PRKAR1A: variants seen among roughly 807,000 people sequenced by gnomAD.
PRKAR1A encodes the protein protein kinase cAMP-dependent type I regulatory subunit alpha.
In PRKAR1A, 3 loss-of-function variants were observed where a neutral mutation model predicts 52.0. That is an observed-to-expected ratio of 0.06 (90% confidence interval 0.03 to 0.15). PRKAR1A has a LOEUF of 0.15. Ranked by LOEUF, PRKAR1A falls within the 10% of genes least tolerant of loss-of-function variation. PRKAR1A has a pLI of 1.00. For missense variants in PRKAR1A, 240 were observed against 477.4 expected, an observed-to-expected ratio of 0.50 and a Z score of 4.63; for synonymous variants, 188 against 168.4, an observed-to-expected ratio of 1.12 and a Z score of -0.90.
chr17:68,477,107 C>T, the PRKAR1A span, among the ~76,000 whole-genome samples: 1 of 152,172 alleles, frequency 6.6e-6, no homozygotes, highest in Admixed American at 6.5e-5. Context: ...GTCCCAAACA[C>T]TCTCTTCTTC....
downstream of PRKAR1A, among the ~76,000 whole-genome samples, chr17:68,534,560 C>CTTTTTTTTTTTTTTTTTTTTTATTTT (rs34994040): frequency 9.0e-6 from 1 of 111,054 alleles, no homozygotes; most frequent in Non-Finnish European, 1.8e-5. Context: ...TTTTTAGTGC[C>CTTTTTTTTTTTTTTTTTTTTTATTTT]TTTTTTTTTT....
At chr17:68,420,078 T>G in the PRKAR1A span, 4 of 1,250,072 alleles carry the variant, frequency 3.2e-6, no homozygotes, top group Non-Finnish European at 4.5e-6. Context: ...CATTGGAACA[T>G]TTGGTTATCT....
the PRKAR1A span, chr17:68,441,209 C>T: frequency 6.6e-6 from 1 of 152,206 alleles, no homozygotes. Context: ...ACTTCGAGCC[C>T]CTGTCTGGCC....
intron 11 of PRKAR1A, chr17:68,541,440 T>C (rs1275872096): frequency 1.0e-5 from 2 of 197,376 alleles, no homozygotes; most frequent in Non-Finnish European, 2.1e-5. Flanking sequence ...ATCTGTCATG[T>C]CCTCCAGAAA....
the PRKAR1A span, among the ~76,000 whole-genome samples, chr17:68,502,755 G>GAAA: frequency 1.2e-4 from 10 of 86,296 alleles, no homozygotes; most frequent in East Asian, 1.2e-3. Context: ...TTCATCTCAG[G>GAAA]AAAAAAAAAA....
At chr17:68,487,560 G>T in the PRKAR1A span, among the ~76,000 whole-genome samples, 2 of 152,076 alleles carry the variant, frequency 1.3e-5, no homozygotes, top group East Asian at 1.9e-4. Context: ...CTGCACTTTG[G>T]GGGGCCAAGG....
In PRKAR1A at chr17:68,541,678, C is replaced by G. The variant is rs574962230; in HGVS notation, c.974-9406C>G. The stretch of plus-strand genomic sequence containing the variant: ...TATAGCAAGTGCTGTGCTGTGTTTT[C>G]GTGATCTGGCTACATGTCTGTTCTC... On this transcript the variant is annotated intron_variant, in intron 11 of 11. Coordinates refer to the PRKAR1A transcript ENST00000585981. 4 of 277,756 alleles carry G rather than the reference C, an allele frequency of 1.4e-5. No homozygotes were observed. The East Asian group carries it at 2.9e-4, about 20-fold the overall frequency. The allele number at this position is 277,756 out of a possible 1,614,324, so 17.2% of individuals were successfully genotyped here.
At chr17:68,547,405 A>C (rs1490779512) in intron 11 of PRKAR1A, among the ~76,000 whole-genome samples, 1 of 152,208 alleles carries the variant, frequency 6.6e-6, no homozygotes, top group South Asian at 2.1e-4. Flanking sequence ...CTATGGGGAA[A>C]GTCCCAGATG....
intron 8 of PRKAR1A, 142 bp downstream of exon 8, chr17:68,528,042 T>C (rs1217701069): frequency 2.8e-6 from 2 of 725,872 alleles, no homozygotes; most frequent in South Asian, 1.5e-5. Flanking sequence ...TCCTTCTGAC[T>C]GTGGACATTC....
the PRKAR1A span, among the ~76,000 whole-genome samples, chr17:68,442,706 TGC>T: frequency 6.6e-6 from 1 of 152,194 alleles, no homozygotes; most frequent in African/African-American, 2.4e-5. Context: ...TCAAGCTCTA[TGC>T]AGATTCAGGG....
chr17:68,436,560 A>G, the PRKAR1A span: 2 of 1,312,632 alleles, frequency 1.5e-6, no homozygotes, highest in South Asian at 2.5e-5. Flanking sequence ...TGAAAACAGT[A>G]CAGCTACAGT....
the PRKAR1A span, among the ~76,000 whole-genome samples, chr17:68,438,983 G>A: frequency 6.6e-6 from 1 of 152,202 alleles, no homozygotes; most frequent in Non-Finnish European, 1.5e-5. Flanking sequence ...TAGTGAAAAA[G>A]ACAGATAAAT....
At chr17:68,433,893 C>T in the PRKAR1A span, among the ~76,000 whole-genome samples, 1 of 149,176 alleles carries the variant, frequency 6.7e-6, no homozygotes, top group Non-Finnish European at 1.5e-5. Flanking sequence ...AGCGATTCTC[C>T]TGCCTCAGCC....
chr17:68,434,795 G>A, the PRKAR1A span, among the ~76,000 whole-genome samples: 1 of 152,156 alleles, frequency 6.6e-6, no homozygotes, highest in South Asian at 2.1e-4. Context: ...AACAATTCTT[G>A]GAAAATGTTA....
the PRKAR1A span, among the ~76,000 whole-genome samples, chr17:68,475,889 T>G: frequency 6.6e-6 from 1 of 152,166 alleles, no homozygotes; most frequent in Admixed American, 6.5e-5. Context: ...TTAAAATTTC[T>G]AAAATATTAA....
chr17:68,466,134 A>G, the PRKAR1A span, among the ~76,000 whole-genome samples: 4 of 152,238 alleles, frequency 2.6e-5, no homozygotes, highest in East Asian at 7.7e-4. Flanking sequence ...CCCAAATTTC[A>G]CCGGCTTCTT....
chr17:68,549,024 G>A (rs551904107), intron 11 of PRKAR1A, among the ~76,000 whole-genome samples: 1 of 152,230 alleles, frequency 6.6e-6, no homozygotes. Context: ...GAGCCACCGT[G>A]CCCAGCCTGC....
chr17:68,426,114 C>T, the PRKAR1A span: 7 of 1,612,658 alleles, frequency 4.3e-6, no homozygotes, highest in Admixed American at 5.0e-5. Flanking sequence ...ACACTGGTCC[C>T]GTCGCAAACT....
At chr17:68,506,419 C>T in the PRKAR1A span, among the ~76,000 whole-genome samples, 1 of 151,742 alleles carries the variant, frequency 6.6e-6, no homozygotes, top group East Asian at 1.9e-4. Context: ...CCAATCCCAC[C>T]CCCATAATTT....
Sources: gnomAD v4.1 joint callset for allele counts (sites outside exome capture counted in the v4.1 genomes callset) on GRCh38, gnomAD v4.1.1 for gene constraint, MANE v1.5 for transcripts, NCBI Gene and HGNC (gene_info 2026-07-23, HGNC 2026-07-21) for gene names.